ARMH1: variants seen among roughly 807,000 people sequenced by gnomAD.
ARMH1 encodes the protein armadillo like helical domain containing 1, also known as armadillo-like helical domain containing protein 1.
ARMH1 carries 34 observed loss-of-function variants against 50.2 expected under a neutral mutation model. That is an observed-to-expected ratio of 0.68 (90% CI 0.51 to 0.90). The LOEUF is 0.90. Among genes scored for constraint, ARMH1 ranks in the 40% least tolerant of loss-of-function variants. The pLI, the probability that ARMH1 is intolerant of heterozygous loss-of-function variation, is 0.00. For synonymous variants in ARMH1, 221 were observed against 224.2 expected (o/e 0.99, Z 0.13); for missense variants, 538 against 553.9 (o/e 0.97, Z 0.29).
At chr1:44,703,732 T>C (rs1356800343) in intron 5 of ARMH1, among the ~76,000 whole-genome samples, 1 of 138,664 alleles carries the variant, frequency 7.2e-6, no homozygotes, top group Non-Finnish European at 1.6e-5. Context: ...CATCTTTTTC[T>C]TTTTTCTTTT....
chr1:44,702,435 C>T (rs117637875), intron 5 of ARMH1, among the ~76,000 whole-genome samples: 5 of 152,136 alleles, frequency 3.3e-5, no homozygotes, highest in Admixed American at 2.0e-4. Context: ...ATGACAGGGC[C>T]GGGCGCAGTG....
In ARMH1 at chr1:44,719,100, A is replaced by T. The variant is rs1233793700; in HGVS notation, c.725-5022A>T. On this transcript the variant is annotated intron_variant, in intron 6 of 11. Transcript: ENST00000535358. ...TAAATCAGGAAGGTCCTCAGAGGAA[A>T]GGGTCTGCCCCACAAGGTCTGTCCC... 2.6e-5 allele frequency among the ~76,000 whole-genome samples: 4 copies of T among 152,048 alleles called. No individual in the cohort carries two copies. In the East Asian group the frequency reaches 7.7e-4, roughly 29 times the overall value.
At position 44,715,455 on chromosome 1, in the gene ARMH1, C is replaced by A. The variant is rs972323371; in HGVS notation, c.725-8667C>A. ...GTGATCACTGAGGTTTCCTCTAATGCTGATAGGCTGTGGATTCCAAAGTTC... is the reference window on the plus strand; with the variant it reads ...GTGATCACTGAGGTTTCCTCTAATGATGATAGGCTGTGGATTCCAAAGTTC... On this transcript the variant is annotated intron_variant, in intron 6 of 11. Coordinates refer to ENST00000535358, the MANE Select transcript of ARMH1 (RefSeq NM_001145636.2). 2.0e-5 allele frequency among the ~76,000 whole-genome samples: 3 copies of A among 152,334 alleles called. No homozygotes were observed. The East Asian group carries it at 5.8e-4, about 29-fold the overall frequency.
intron 1 of ARMH1, among the ~76,000 whole-genome samples, chr1:44,687,177 T>G (rs1645499982): frequency 6.6e-6 from 1 of 152,216 alleles, no homozygotes; most frequent in South Asian, 2.1e-4. Context: ...TGATTTCCTC[T>G]GAGGCCTCTC....
In ARMH1 at chr1:44,720,560, C is replaced by A. The variant is rs570963158; in HGVS notation, c.725-3562C>A. On this transcript the variant is annotated intron_variant, in intron 6 of 11. Coordinates refer to ENST00000535358, the MANE Select transcript of ARMH1 (RefSeq NM_001145636.2). ...TGGAGTTCACACACTAGTGAGGAGA[C>A]CATTTAGTGGATAGTACTAGAATTC... Among the ~76,000 whole-genome samples, 37 of 152,230 alleles carry A rather than the reference C, an allele frequency of 2.4e-4. No individual in the cohort carries two copies. In the East Asian group the frequency reaches 5.8e-3, roughly 24 times the overall value.
chr1:44,720,436 A>G (rs1195929296), intron 6 of ARMH1, among the ~76,000 whole-genome samples: 7 of 152,170 alleles, frequency 4.6e-5, no homozygotes, highest in African/African-American at 7.2e-5. Flanking sequence ...GCAGAATCCA[A>G]TGAGGTCTTT....
chr1:44,696,293 A>G (rs1246983481), intron 2 of ARMH1, among the ~76,000 whole-genome samples: 1 of 152,212 alleles, frequency 6.6e-6, no homozygotes, highest in African/African-American at 2.4e-5. Flanking sequence ...CCGCCCAAAC[A>G]AAGCACCATT....
intron 1 of ARMH1, among the ~76,000 whole-genome samples, chr1:44,688,796 TGAAAATACTCTCCCAAGGACACA>T (rs1192020947): frequency 6.6e-6 from 1 of 152,174 alleles, no homozygotes; most frequent in Admixed American, 6.5e-5. Context: ...CTCCCCCCAC[TGAAAATACTCTCCCAAGGACACA>T]GACTCCTACA....
At chr1:44,706,681 C>T (rs1044554284) in intron 6 of ARMH1, among the ~76,000 whole-genome samples, 2 of 152,112 alleles carry the variant, frequency 1.3e-5, no homozygotes, top group East Asian at 3.9e-4. Flanking sequence ...GGTCTGTGTG[C>T]ATATGTGGGC....
intron 4 of ARMH1, among the ~76,000 whole-genome samples, chr1:44,700,433 C>G (rs1321113064): frequency 6.6e-6 from 1 of 151,980 alleles, no homozygotes; most frequent in Non-Finnish European, 1.5e-5. Flanking sequence ...CTGGCTAACA[C>G]TGTGAAACCC....
intron 2 of ARMH1, among the ~76,000 whole-genome samples, chr1:44,694,044 T>C (rs1435362485): frequency 6.6e-6 from 1 of 152,214 alleles, no homozygotes; most frequent in East Asian, 1.9e-4. Flanking sequence ...TCATTGCACT[T>C]ATTACATTAG....
chr1:44,687,995 G>A (rs751507384), intron 1 of ARMH1, among the ~76,000 whole-genome samples: 2 of 152,148 alleles, frequency 1.3e-5, no homozygotes, highest in Non-Finnish European at 2.9e-5. Flanking sequence ...GTGCTTTCCT[G>A]CCTGATAAAG....
At chr1:44,680,401 T>C (rs1176314129) in intron 1 of ARMH1, among the ~76,000 whole-genome samples, 1 of 152,210 alleles carries the variant, frequency 6.6e-6, no homozygotes, top group Non-Finnish European at 1.5e-5. Flanking sequence ...AGTCTCGAAC[T>C]CCTGACCTCA....
intron 6 of ARMH1, among the ~76,000 whole-genome samples, chr1:44,706,027 C>A (rs548503047): frequency 1.3e-4 from 20 of 152,236 alleles, no homozygotes; most frequent in Admixed American, 4.6e-4. Context: ...GAAAGGTAGG[C>A]TAGGAGCAAT....
At chr1:44,722,757 C>T (rs950739531) in intron 6 of ARMH1, among the ~76,000 whole-genome samples, 1 of 149,336 alleles carries the variant, frequency 6.7e-6, no homozygotes, top group East Asian at 2.0e-4. Context: ...AACAAAAATA[C>T]TAGCATTTAC....
At position 44,724,498 on chromosome 1, in the gene ARMH1, T is replaced by TGAGC; in HGVS notation, c.921-40_921-37dup. The TGAGC allele has an allele frequency of 6.6e-7, 1 of 1,512,034 alleles. No homozygotes were observed. The highest frequency in any genetic ancestry group is 8.8e-7 in the Non-Finnish European group (1 of 1,133,614). 93.7% of individuals were successfully genotyped at this position (1,512,034 alleles called of 1,614,324 possible). ...CGGGTGGGCGGGGGTGTGCGCCGGGTGAGCCCCAGGGCGTCGCCCCAGCCC... is the reference window on the plus strand; with the variant it reads ...CGGGTGGGCGGGGGTGTGCGCCGGGTGAGCGAGCCCCAGGGCGTCGCCCCAGCCC... On this transcript the variant is annotated intron_variant, in intron 8 of 11. Transcript: ENST00000535358. The surrounding 1 kb of genome is among the most constrained non-coding windows in gnomAD (Gnocchi z 6.4).
intron 1 of ARMH1, among the ~76,000 whole-genome samples, chr1:44,678,237 G>A (rs563158356): frequency 2.6e-5 from 4 of 152,242 alleles, no homozygotes; most frequent in Admixed American, 2.6e-4. Flanking sequence ...GCAGGTCTGT[G>A]GAGCAGTGTT....
intron 1 of ARMH1, among the ~76,000 whole-genome samples, chr1:44,685,053 T>G (rs1279359609): frequency 6.6e-6 from 1 of 152,084 alleles, no homozygotes; most frequent in Non-Finnish European, 1.5e-5. Context: ...TTCCACTGAC[T>G]GACATTTATG....
At chr1:44,710,351 T>G (rs976693389) in intron 6 of ARMH1, among the ~76,000 whole-genome samples, 2 of 152,190 alleles carry the variant, frequency 1.3e-5, no homozygotes, top group African/African-American at 4.8e-5. Flanking sequence ...GGCTCACACC[T>G]GTAATCCCAG....
Sources: allele counts gnomAD v4.1 joint callset (sites outside exome capture counted in the v4.1 genomes callset), GRCh38; gene constraint gnomAD v4.1.1; non-coding constraint Gnocchi (gnomAD v3.1); transcripts MANE v1.5; gene names NCBI Gene and HGNC (gene_info 2026-07-23, HGNC 2026-07-21).